Variants in FGD6 observed in about 807,000 individuals in gnomAD.
FGD6 encodes the protein FYVE, RhoGEF and PH domain containing 6, also known as FYVE, RhoGEF and PH domain-containing protein 6.
Under a neutral mutation model 149.4 loss-of-function variants are expected in FGD6, and 90 were observed. That is an observed-to-expected ratio of 0.60 (90% CI 0.51 to 0.72). FGD6 has a LOEUF of 0.72. Among genes scored for constraint, FGD6 ranks in the 30% least tolerant of loss-of-function variants. The pLI, the probability that FGD6 is intolerant of heterozygous loss-of-function variation, is 0.00. For synonymous variants in FGD6, 527 were observed against 584.0 expected, an observed-to-expected ratio of 0.90 and a Z score of 1.41; for missense variants, 1,437 against 1,684.8, an observed-to-expected ratio of 0.85 and a Z score of 2.57.
intron 8 of FGD6, among the ~76,000 whole-genome samples, chr12:95,124,969 C>A (rs2136250771): frequency 6.6e-6 from 1 of 152,198 alleles, no homozygotes; most frequent in Non-Finnish European, 1.5e-5. Context: ...GAAGTGCATG[C>A]ATTAATTACT....
intron 14 of FGD6, among the ~76,000 whole-genome samples, chr12:95,104,203 G>T (rs1878534844): frequency 6.6e-6 from 1 of 151,976 alleles, no homozygotes; most frequent in South Asian, 2.1e-4. Flanking sequence ...CACGGTATTG[G>T]GAAAGAAGAA....
intron 13 of FGD6, among the ~76,000 whole-genome samples, chr12:95,105,531 A>T (rs1042423859): frequency 6.6e-6 from 1 of 152,210 alleles, no homozygotes; most frequent in Non-Finnish European, 1.5e-5. Context: ...TCTACTTTAT[A>T]GGTATTTACG....
intron 8 of FGD6, among the ~76,000 whole-genome samples, chr12:95,133,868 T>C (rs1421640409): frequency 2.0e-5 from 3 of 152,158 alleles, no homozygotes; most frequent in African/African-American, 7.2e-5. Flanking sequence ...ATAAAACTGA[T>C]ATTTGCAAGG....
At position 95,209,424 on chromosome 12, in the gene FGD6, G is replaced by A. The variant is rs1315196737; in HGVS notation, c.1860C>T (p.Asp620=). 6.2e-7 allele frequency: 1 copy of A among 1,613,130 alleles called. No individual in the cohort carries two copies. Among genetic ancestry groups the A allele is most frequent in the Non-Finnish European group, 8.5e-7 (1 of 1,179,442 alleles). ...TTTTAAAAGAGTTTTTCTTTGTAGA[G>A]TCTTTGCAAGGCTTAGTGCACTTTT... ...DVEKCTKPCK[D]STKKNSFKKL... is the part of the protein sequence containing the mutation. The change falls in exon 2 of 21, where the codon GAC becomes GAT. Residue 620 remains aspartate, a synonymous_variant. Coordinates refer to ENST00000343958, the MANE Select transcript of FGD6 (RefSeq NM_018351.4).
chr12:95,166,115 A>G (rs957634504), intron 3 of FGD6, among the ~76,000 whole-genome samples: 1 of 151,614 alleles, frequency 6.6e-6, no homozygotes, highest in African/African-American at 2.4e-5. Context: ...TTTTGTAGAG[A>G]CAAGGTCTCA....
chr12:95,114,876 GA>G (rs1364235042), intron 8 of FGD6, among the ~76,000 whole-genome samples: 1 of 151,972 alleles, frequency 6.6e-6, no homozygotes, highest in African/African-American at 2.4e-5. Flanking sequence ...CCTTTGTTCT[GA>G]CTAAATTTGA....
Position 95,210,770 on chromosome 12 carries a change from C to T in FGD6, c.514G>A (p.Val172Ile). The change falls in exon 2 of 21, where the codon GTT (valine) becomes ATT (isoleucine). Residue 172 changes from valine to isoleucine, a missense_variant. Physicochemically the swap from Val to Ile is conservative, Grantham distance 29 (BLOSUM62 3). Coordinates refer to ENST00000343958, the MANE Select transcript of FGD6 (RefSeq NM_018351.4). ...YGEKAKNQGG[V>I]VLKASVLEEE... is the part of the protein sequence containing the mutation. ...TCTAAAACGCTTGCCTTTAAAACAA[C>T]CCCACCCTGGTTCTTGGCTTTTTCA... 6.2e-7 allele frequency: 1 copy of T among 1,614,106 alleles called. No homozygotes were observed. Among genetic ancestry groups the T allele is most frequent in the Non-Finnish European group, 8.5e-7 (1 of 1,180,004 alleles).
Position 95,079,454 on chromosome 12 carries a change from A to G in FGD6, c.*2066T>C, listed in dbSNP as rs528194389. On this transcript the variant is annotated 3_prime_UTR_variant, in exon 21 of 21. Transcript: ENST00000343958. ...TTTTTAGATTATAAGGCTTAAGCCAAACCTTGTAGTCAGAAGGCTGAGAGC... is the reference window on the plus strand; with the variant it reads ...TTTTTAGATTATAAGGCTTAAGCCAGACCTTGTAGTCAGAAGGCTGAGAGC... The G allele has an allele frequency of 6.6e-6, 1 of 152,384 alleles. No homozygotes were observed. Among genetic ancestry groups the G allele is most frequent in the South Asian group, 2.1e-4 (1 of 4,834 alleles). The allele number at this position is 152,384 out of a possible 1,614,324, so 9.4% of individuals were successfully genotyped here. A position where few individuals can be genotyped will look rare whatever the true frequency, so the allele number is the denominator to read the frequency against.
chr12:95,137,743 C>T (rs932569538), intron 6 of FGD6, 65 bp from the exon 7 acceptor site: 42 of 1,170,438 alleles, frequency 3.6e-5, no homozygotes, highest in Middle Eastern at 5.7e-4. Flanking sequence ...TGCAATGATA[C>T]GCAGAGTCCA....
At chr12:95,115,467 C>T (rs1286791662) in intron 8 of FGD6, among the ~76,000 whole-genome samples, 1 of 148,954 alleles carries the variant, frequency 6.7e-6, no homozygotes, top group Non-Finnish European at 1.5e-5. Context: ...AACTCCTGGC[C>T]TCAAGCAATC....
chr12:95,087,536 T>C (rs187138074), intron 18 of FGD6, among the ~76,000 whole-genome samples: 305 of 152,264 alleles, frequency 2.0e-3, no homozygotes, highest in African/African-American at 6.9e-3. Context: ...GTCTTGCAAG[T>C]ACAAGGAAAT....
chr12:95,206,031 C>T (rs1300377552), intron 2 of FGD6, among the ~76,000 whole-genome samples: 1 of 152,124 alleles, frequency 6.6e-6, no homozygotes. Context: ...AACCCCTTCT[C>T]ACCAGCTTCC....
chr12:95,113,758 A>T (rs1329563192), intron 8 of FGD6, 57 bp from the exon 9 acceptor site: 1 of 1,150,442 alleles, frequency 8.7e-7, no homozygotes, highest in South Asian at 1.4e-5. Context: ...CCCCAAACAC[A>T]TATCTTTCTT....
intron 3 of FGD6, among the ~76,000 whole-genome samples, chr12:95,158,517 A>T (rs1354420642): frequency 6.6e-6 from 1 of 152,054 alleles, no homozygotes; most frequent in Non-Finnish European, 1.5e-5. Context: ...AGTCTTAAGC[A>T]CAGTCTGACC....
intron 18 of FGD6, among the ~76,000 whole-genome samples, chr12:95,086,953 T>G (rs1315832122): frequency 2.7e-5 from 4 of 150,182 alleles, no homozygotes; most frequent in African/African-American, 7.4e-5. Flanking sequence ...GTCCAAGCAC[T>G]TCTCGTGCCC....
chr12:95,201,280 T>C (rs561490265), intron 2 of FGD6, among the ~76,000 whole-genome samples: 2 of 152,158 alleles, frequency 1.3e-5, no homozygotes, highest in East Asian at 3.9e-4. Flanking sequence ...CACCTCTTCA[T>C]CCTGTTCCCT....
intron 2 of FGD6, among the ~76,000 whole-genome samples, chr12:95,204,410 G>A (rs892293314): frequency 2.6e-5 from 4 of 152,148 alleles, no homozygotes; most frequent in Admixed American, 6.6e-5. Flanking sequence ...AAAGGAGAAC[G>A]GGGAGGGAAA....
intron 2 of FGD6, among the ~76,000 whole-genome samples, chr12:95,201,756 T>TA (rs1439014786): frequency 6.6e-6 from 1 of 152,294 alleles, no homozygotes; most frequent in East Asian, 1.9e-4. Context: ...TCTCACTGAT[T>TA]AACTCAAATT....
intron 8 of FGD6, among the ~76,000 whole-genome samples, chr12:95,131,819 C>T (rs1879529574): frequency 6.6e-6 from 1 of 152,162 alleles, no homozygotes; most frequent in Non-Finnish European, 1.5e-5. Flanking sequence ...GTGGGCAGAT[C>T]ATCTGAGGTC....
Sources: allele counts gnomAD v4.1 joint callset (sites outside exome capture counted in the v4.1 genomes callset), GRCh38; gene constraint gnomAD v4.1.1; transcripts MANE v1.5; gene names NCBI Gene and HGNC (gene_info 2026-07-23, HGNC 2026-07-21).